DHRSX: variants seen among roughly 807,000 people sequenced by gnomAD.
DHRSX encodes the protein dehydrogenase/reductase X-linked, also known as polyprenol dehydrogenase.
Under a neutral mutation model 34.0 loss-of-function variants are expected in DHRSX, and 31 were observed. The observed-to-expected ratio is 0.91, with a 90% CI of 0.69 to 1.23. The LOEUF is 1.23. DHRSX is among the 50% of genes most tolerant of loss of function. The pLI, the probability that DHRSX is intolerant of heterozygous loss-of-function variation, is 0.00. For synonymous variants in DHRSX, 201 were observed against 183.8 expected (o/e 1.09, Z -0.76); for missense variants, 414 against 428.1 (o/e 0.97, Z 0.29).
At chrX:2,288,637 T>C (rs772717291) in intron 4 of DHRSX, among the ~76,000 whole-genome samples, 1 of 152,270 alleles carries the variant, frequency 6.6e-6, no homozygotes, top group African/African-American at 2.4e-5. Flanking sequence ...AGCCATAGAC[T>C]CAGGAATTTC....
chrX:2,242,996 T>G, intron 6 of DHRSX, 27 bp downstream of exon 6: 1 of 1,604,484 alleles, frequency 6.2e-7, no homozygotes, highest in South Asian at 1.1e-5. Flanking sequence ...GGTGCAGCCG[T>G]GAATCAGAGA....
rs1027985080 is a variant in DHRSX at position 2,491,075 on chromosome X, T to G, written c.109+9742A>C. Among the ~76,000 whole-genome samples, 83 of 126,540 alleles carry G rather than the reference T, an allele frequency of 6.6e-4. 2 individuals carry two copies. Among genetic ancestry groups the G allele is most frequent in the African/African-American group, 2.3e-3 (79 of 34,084 alleles). The allele number at this position is 126,540 out of a possible 152,430, so 83.0% of individuals were successfully genotyped here. A position where few individuals can be genotyped will look rare whatever the true frequency, so the allele number is the denominator to read the frequency against. ...CTGACAAGTGCCTTTAGTTTTTTTT[T>G]TTTTTTTTTTTTGAGACAGAGTTTC... is the stretch of plus-strand genomic sequence containing the variant. On this transcript the variant is annotated intron_variant, in intron 1 of 6. Coordinates refer to ENST00000334651, the MANE Select transcript of DHRSX (RefSeq NM_145177.3).
At chrX:2,244,617 C>A (rs1192257886) in intron 5 of DHRSX, among the ~76,000 whole-genome samples, 4 of 152,084 alleles carry the variant, frequency 2.6e-5, no homozygotes, top group Non-Finnish European at 5.9e-5. Flanking sequence ...CAGAGGCGAT[C>A]AATTTGCTAC....
intron 3 of DHRSX, among the ~76,000 whole-genome samples, chrX:2,401,989 G>C (rs1172869591): frequency 6.6e-6 from 1 of 152,156 alleles, no homozygotes; most frequent in Non-Finnish European, 1.5e-5. Flanking sequence ...GATCTCAGAG[G>C]AGCACGACTT....
intron 3 of DHRSX, among the ~76,000 whole-genome samples, chrX:2,378,209 A>G (rs985804703): frequency 6.6e-6 from 1 of 152,200 alleles, no homozygotes; most frequent in Non-Finnish European, 1.5e-5. Flanking sequence ...CCCTTGGATG[A>G]CCAGGTGGTC....
intron 3 of DHRSX, among the ~76,000 whole-genome samples, chrX:2,301,562 C>A (rs1354244177): frequency 6.6e-6 from 1 of 152,194 alleles, no homozygotes. Context: ...CCATGACATG[C>A]CATCCTGCAG....
chrX:2,484,440 G>A lies in DHRSX; in HGVS notation c.109+16377C>T, dbSNP rs766033580. ...CTGCAACACAAAAGGACAGGCAGCC[G>A]CAGCTAGGAAGGAGCCTGGCTGCAA... is the stretch of plus-strand genomic sequence containing the variant. On this transcript the variant is annotated intron_variant, in intron 1 of 6. Transcript: ENST00000334651. Among the ~76,000 whole-genome samples the A allele has an allele frequency of 7.9e-5, 12 of 152,270 alleles. No homozygotes were observed. The East Asian group carries it at 1.7e-3, about 22-fold the overall frequency.
At chrX:2,254,051 CTCTG>C (rs2016504042) in intron 5 of DHRSX, among the ~76,000 whole-genome samples, 3 of 144,430 alleles carry the variant, frequency 2.1e-5, no homozygotes, top group African/African-American at 8.4e-5. Flanking sequence ...CAAAGCAAGA[CTCTG>C]TCTCAAAAAA....
chrX:2,481,109 A>G (rs2044763535), intron 1 of DHRSX, among the ~76,000 whole-genome samples: 1 of 152,216 alleles, frequency 6.6e-6, no homozygotes, highest in Non-Finnish European at 1.5e-5. Flanking sequence ...ATAATATGGT[A>G]ACCAGCTTGA....
chrX:2,290,552 G>T (rs1262028438), intron 4 of DHRSX, among the ~76,000 whole-genome samples: 11 of 152,210 alleles, frequency 7.2e-5, no homozygotes, highest in African/African-American at 2.4e-4. Flanking sequence ...TCTGCAATCT[G>T]AAGTGTCAAT....
In DHRSX at chrX:2,220,250, C is replaced by G. The variant is rs1211188460; in HGVS notation, c.*791G>C. 1.3e-5 allele frequency: 2 copies of G among 152,178 alleles called. No individual in the cohort carries two copies. Among genetic ancestry groups the G allele is most frequent in the Non-Finnish European group, 2.9e-5 (2 of 68,060 alleles). 9.4% of individuals were successfully genotyped at this position (152,178 alleles called of 1,614,324 possible). A position where few individuals can be genotyped will look rare whatever the true frequency, so the allele number is the denominator to read the frequency against. On this transcript the variant is annotated 3_prime_UTR_variant, in exon 7 of 7. Transcript: ENST00000334651. ...TCTTGTCTTCTGTACTCAAATCTCC[C>G]TCTACCTGTCTCTGATAAGAACCCT...
chrX:2,322,975 G>C (rs1483893769), intron 3 of DHRSX, among the ~76,000 whole-genome samples: 1 of 151,280 alleles, frequency 6.6e-6, no homozygotes, highest in African/African-American at 2.4e-5. Flanking sequence ...CCAGGCTGGA[G>C]TGCAATGGTG....
chrX:2,476,831 C>T (rs895339055), intron 1 of DHRSX, among the ~76,000 whole-genome samples: 63 of 151,950 alleles, frequency 4.1e-4, no homozygotes, highest in Non-Finnish European at 6.9e-4. Flanking sequence ...TGGAAAAACC[C>T]GTCTCTACTA....
rs1239775397 is a variant in DHRSX at position 2,392,893 on chromosome X, C to T, written c.286+15852G>A. Reference sequence around the variant, plus strand: ...TTATATATACACAAAATGTATTGTGCATATTATATTATGTTTTATATATAA... The same window carrying T: ...TTATATATACACAAAATGTATTGTGTATATTATATTATGTTTTATATATAA... On this transcript the variant is annotated intron_variant, in intron 3 of 6. Transcript: ENST00000334651. Among the ~76,000 whole-genome samples, 4 of 127,666 alleles carry T rather than the reference C, an allele frequency of 3.1e-5. No individual in the cohort carries two copies. The East Asian group carries it at 8.5e-4, about 27-fold the overall frequency. The allele number at this position is 127,666 out of a possible 152,430, so 83.8% of individuals were successfully genotyped here.
intron 2 of DHRSX, among the ~76,000 whole-genome samples, chrX:2,416,675 T>C (rs2043697952): frequency 6.6e-6 from 1 of 152,102 alleles, no homozygotes; most frequent in Admixed American, 6.6e-5. Flanking sequence ...GACAGTCCAT[T>C]GAGCATTATG....
intron 3 of DHRSX, among the ~76,000 whole-genome samples, chrX:2,401,195 C>T (rs1005251290): frequency 2.0e-5 from 3 of 151,644 alleles, no homozygotes; most frequent in Non-Finnish European, 4.4e-5. Flanking sequence ...CCGCAAACCT[C>T]CGCCTCCCGG....
At chrX:2,245,612 A>G (rs1426299249) in intron 5 of DHRSX, among the ~76,000 whole-genome samples, 1 of 149,320 alleles carries the variant, frequency 6.7e-6, no homozygotes, top group Non-Finnish European at 1.5e-5. Context: ...ACCCACCCCA[A>G]CGTAGCTCTT....
At chrX:2,390,194 A>G (rs1270971806) in intron 3 of DHRSX, among the ~76,000 whole-genome samples, 1 of 128,320 alleles carries the variant, frequency 7.8e-6, no homozygotes, top group Non-Finnish European at 1.6e-5. Context: ...CCCATCCTGG[A>G]GTGTAATAGC....
intron 6 of DHRSX, among the ~76,000 whole-genome samples, chrX:2,227,034 C>T (rs950697218): frequency 6.6e-6 from 1 of 152,026 alleles, no homozygotes; most frequent in Non-Finnish European, 1.5e-5. Flanking sequence ...CCGGAGGCAG[C>T]CCCTTTTCCT....
Sources: gnomAD v4.1 joint callset for allele counts (sites outside exome capture counted in the v4.1 genomes callset) on GRCh38, gnomAD v4.1.1 for gene constraint, MANE v1.5 for transcripts, NCBI Gene and HGNC (gene_info 2026-07-23, HGNC 2026-07-21) for gene names.